GABRR2: variants seen among roughly 807,000 people sequenced by gnomAD.
GABRR2 encodes the protein gamma-aminobutyric acid receptor subunit rho-2.
In GABRR2, 36 loss-of-function variants were observed where a neutral mutation model predicts 47.0. The observed-to-expected ratio is 0.77, with a 90% CI of 0.59 to 1.01. The LOEUF (loss-of-function observed/expected upper bound fraction) is 1.01, where lower values mean the gene tolerates loss of function less well. Ranked by LOEUF, GABRR2 falls within the 50% of genes least tolerant of loss-of-function variation. GABRR2 has a pLI of 0.00. For synonymous variants in GABRR2, 204 were observed against 227.5 expected (o/e 0.90, Z 0.93); for missense variants, 587 against 594.6 (o/e 0.99, Z 0.13).
At chr6:89,261,189 C>T (rs369696005) in intron 8 of GABRR2, among the ~76,000 whole-genome samples, 2 of 152,294 alleles carry the variant, frequency 1.3e-5, no homozygotes, top group East Asian at 1.9e-4. Flanking sequence ...TTTTTTTCAA[C>T]TGCTCTATAC....
intron 2 of GABRR2, among the ~76,000 whole-genome samples, chr6:89,296,997 C>T (rs1457120463): frequency 2.6e-5 from 4 of 152,174 alleles, no homozygotes; most frequent in Non-Finnish European, 4.4e-5. Flanking sequence ...GGCCCAGGCT[C>T]CTGATAGCAT....
chr6:89,296,918 G>A (rs766965348), intron 2 of GABRR2, among the ~76,000 whole-genome samples: 3 of 152,158 alleles, frequency 2.0e-5, no homozygotes, highest in South Asian at 2.1e-4. Context: ...CTGGCTGTTC[G>A]GTGGCCATCA....
chr6:89,302,668 C>A, intron 1 of GABRR2: 2 of 1,295,634 alleles, frequency 1.5e-6, no homozygotes, highest in Non-Finnish European at 2.1e-6. Context: ...ATGATGGCTG[C>A]CCGCGACCGG....
At chr6:89,274,883 T>A (rs1012704786) in intron 2 of GABRR2, among the ~76,000 whole-genome samples, 3 of 151,808 alleles carry the variant, frequency 2.0e-5, no homozygotes, top group Admixed American at 6.6e-5. Flanking sequence ...AAATAATTTT[T>A]AAAAAAATAA....
At chr6:89,271,532 C>T (rs374139380) in intron 3 of GABRR2, 123 bp downstream of exon 3, 22 of 767,908 alleles carry the variant, frequency 2.9e-5, no homozygotes, top group African/African-American at 3.5e-5. Context: ...GCTCCAGGGC[C>T]GACTTCCAAG....
intron 8 of GABRR2, among the ~76,000 whole-genome samples, chr6:89,263,126 C>A (rs1021513342): frequency 6.6e-6 from 1 of 152,212 alleles, no homozygotes; most frequent in Non-Finnish European, 1.5e-5. Context: ...ACCCCGGAGA[C>A]AGTAGGACCA....
At chr6:89,262,028 C>CAA (rs35450080) in intron 8 of GABRR2, among the ~76,000 whole-genome samples, 14 of 130,458 alleles carry the variant, frequency 1.1e-4, no homozygotes, top group African/African-American at 1.7e-4. Flanking sequence ...GACCCTGTCT[C>CAA]AAAAAAAAAA....
chr6:89,310,133 T>C (rs1021316763), intron 1 of GABRR2, among the ~76,000 whole-genome samples: 2 of 152,138 alleles, frequency 1.3e-5, no homozygotes, highest in African/African-American at 4.8e-5. Flanking sequence ...TGGTATCATA[T>C]AGAATAGTTT....
chr6:89,282,879 C>T (rs905409835), intron 2 of GABRR2, among the ~76,000 whole-genome samples: 2 of 152,222 alleles, frequency 1.3e-5, no homozygotes, highest in African/African-American at 2.4e-5. Flanking sequence ...CCCATTCCCA[C>T]GATACTGTGC....
chr6:89,272,825 G>T (rs1774083483), intron 2 of GABRR2, among the ~76,000 whole-genome samples: 1 of 152,212 alleles, frequency 6.6e-6, no homozygotes, highest in Non-Finnish European at 1.5e-5. Flanking sequence ...TTTGGCCATG[G>T]GCGGGGAAGG....
chr6:89,276,022 C>T lies in GABRR2; in HGVS notation c.221-4300G>A, dbSNP rs73752718. 9.4e-3 allele frequency among the ~76,000 whole-genome samples: 1,404 copies of T among 148,914 alleles called. 24 individuals are homozygous for T. Among genetic ancestry groups the T allele is most frequent in the African/African-American group, 0.032 (1,309 of 40,804 alleles). On this transcript the variant is annotated intron_variant, in intron 2 of 8. Transcript: ENST00000402938. ...AGGAAGATAACATCATCCTTGGTCT[C>T]TAATTTTTTCTATTAAAATATTATA...
intron 6 of GABRR2, among the ~76,000 whole-genome samples, chr6:89,266,139 T>G (rs1773890126): frequency 6.6e-6 from 1 of 152,140 alleles, no homozygotes; most frequent in South Asian, 2.1e-4. Flanking sequence ...CACAGCTCAC[T>G]GCAGCCTCAG....
At chr6:89,276,741 C>A (rs1382849970) in intron 2 of GABRR2, among the ~76,000 whole-genome samples, 1 of 152,002 alleles carries the variant, frequency 6.6e-6, no homozygotes, top group Non-Finnish European at 1.5e-5. Context: ...ATTTAAAAAT[C>A]GTAGATAAAC....
intron 1 of GABRR2, chr6:89,303,031 C>T: frequency 8.4e-7 from 1 of 1,195,522 alleles, no homozygotes; most frequent in East Asian, 4.1e-5. Flanking sequence ...CGAGTACCAG[C>T]AGTACCAGGA....
chr6:89,276,152 T>C (rs987404565), intron 2 of GABRR2, among the ~76,000 whole-genome samples: 1 of 147,846 alleles, frequency 6.8e-6, no homozygotes, highest in Admixed American at 6.8e-5. Flanking sequence ...AATTATTATT[T>C]ATATTATTAT....
chr6:89,267,961 C>A, intron 5 of GABRR2, 53 bp downstream of exon 5: 1 of 1,587,460 alleles, frequency 6.3e-7, no homozygotes, highest in South Asian at 1.1e-5. Context: ...ACTAAAATGG[C>A]ACAAAGATCA....
At chr6:89,270,078 A>G (rs943180091) in intron 3 of GABRR2, among the ~76,000 whole-genome samples, 1 of 152,250 alleles carries the variant, frequency 6.6e-6, no homozygotes, top group Non-Finnish European at 1.5e-5. Context: ...TAGTGCATGC[A>G]TGAGAGTCTG....
intron 2 of GABRR2, among the ~76,000 whole-genome samples, chr6:89,272,191 C>T (rs1047928169): frequency 1.3e-5 from 2 of 152,200 alleles, no homozygotes; most frequent in Non-Finnish European, 2.9e-5. Context: ...TACAGAGACC[C>T]TGACATATAG....
intron 2 of GABRR2, among the ~76,000 whole-genome samples, chr6:89,274,647 A>T (rs1252744895): frequency 6.6e-6 from 1 of 152,130 alleles, no homozygotes; most frequent in Non-Finnish European, 1.5e-5. Context: ...TGGGTGGATC[A>T]TCTGAACCTA....
Sources: allele counts gnomAD v4.1 joint callset (sites outside exome capture counted in the v4.1 genomes callset), GRCh38; gene constraint gnomAD v4.1.1; transcripts MANE v1.5; gene names NCBI Gene and HGNC (gene_info 2026-07-23, HGNC 2026-07-21).